The following RYR1 variants were observed in gnomAD, a reference collection of about 807,000 sequenced individuals.
RYR1 encodes the protein central core disease of muscle.
Under a neutral mutation model 583.5 loss-of-function variants are expected in RYR1, and 342 were observed. The ratio of observed to expected loss-of-function variants is 0.59; its 90% CI spans 0.54 to 0.64. The LOEUF (loss-of-function observed/expected upper bound fraction) is 0.64. RYR1 is among the 30% of genes least tolerant of loss of function. The pLI is 0.00. For missense variants in RYR1, 6,032 were observed against 6,917.2 expected (o/e 0.87, Z 4.54); for synonymous variants, 2,791 against 2,822.5 (o/e 0.99, Z 0.35).
chr19:38,460,345 CAAT>C, intron 19 of RYR1, 27 bp from the exon 20 acceptor site: 2 of 1,599,848 alleles, frequency 1.3e-6, no homozygotes, highest in Non-Finnish European at 1.7e-6. Flanking sequence ...AACCTCCCCT[CAAT>C]GATCCCCATT....
At chr19:38,544,673 G>A (rs915264376) in intron 87 of RYR1, among the ~76,000 whole-genome samples, 4 of 152,088 alleles carry the variant, frequency 2.6e-5, no homozygotes, top group Non-Finnish European at 1.5e-5. Context: ...ACCCTAATTC[G>A]TTGTCATCTG....
At chr19:38,455,391 T>C (rs1245249263) in intron 14 of RYR1, 21 bp downstream of exon 14, 2 of 1,614,048 alleles carry the variant, frequency 1.2e-6, no homozygotes, top group East Asian at 2.2e-5. Context: ...CAGTCCTGAC[T>C]CCCCTGAGAA....
intron 29 of RYR1, among the ~76,000 whole-genome samples, chr19:38,477,422 C>T (rs765431149): frequency 5.9e-5 from 9 of 152,140 alleles, no homozygotes; most frequent in East Asian, 5.8e-4. Context: ...GGATTACAGG[C>T]GTGAGCCACC....
intron 89 of RYR1, among the ~76,000 whole-genome samples, chr19:38,557,222 T>C (rs1357113302): frequency 6.6e-6 from 1 of 151,518 alleles, no homozygotes; most frequent in African/African-American, 2.4e-5. Context: ...CCCAGCCTCT[T>C]AGTTTTCATG....
At position 38,565,317 on chromosome 19, in the gene RYR1, C is replaced by G. The variant is rs1346484503; in HGVS notation, c.12983C>G (p.Ala4328Gly). 1 of 1,153,768 alleles carries G rather than the reference C, an allele frequency of 8.7e-7. No individual in the cohort carries two copies. Among genetic ancestry groups the G allele is most frequent in the Admixed American group, 4.8e-5 (1 of 20,850 alleles). 71.5% of individuals were successfully genotyped at this position (1,153,768 alleles called of 1,614,324 possible). A position where few individuals can be genotyped will look rare whatever the true frequency, so the allele number is the denominator to read the frequency against. The change falls in exon 91 of 106, where the codon GCG becomes GGG. Residue 4328 changes from alanine to glycine, a missense_variant. Physicochemically the swap from Ala to Gly is moderately conservative, Grantham distance 60 (BLOSUM62 0). Around this residue, in one of 11 missense-constraint regions of RYR1, gnomAD observed 753 missense variants for 759.6 expected, o/e 0.99. Transcript: ENST00000359596. This position sits in a 1 kb window ranked among gnomAD's most constrained non-coding sequence, Gnocchi z 4.7. The stretch of plus-strand genomic sequence containing the variant: ...CTGCGGCGGCTTACGGCCCGCGAGG[C>G]GGCCACCGCAGTGGCGGCGCTGCTC... ...RRLRRLTARE[A>G]ATAVAALLWA...
Position 38,494,565 on chromosome 19 carries a change from G to C in RYR1, c.6488G>C (p.Arg2163Pro), listed in dbSNP as rs118192163. The C allele has an allele frequency of 6.2e-7, 1 of 1,614,076 alleles. No individual in the cohort carries two copies. Among genetic ancestry groups the C allele is most frequent in the Non-Finnish European group, 8.5e-7 (1 of 1,180,024 alleles). ...CTGCTCGAGTGCCTCGGCCAGATCC[G>C]CTCGCTGCTCATCGTGCAGATGGGC... ...MSLLECLGQI[R>P]SLLIVQMGPQ... is the part of the protein sequence containing the mutation. Residue 2163 changes from arginine to proline, a missense_variant, in exon 39 of 106, where the codon CGC (arginine) becomes CCC (proline). Arg to Pro is a moderately radical substitution (Grantham distance 103). Around this residue, in one of 11 missense-constraint regions of RYR1, gnomAD observed 2,627 missense variants for 2,961.3 expected, o/e 0.89. Coordinates refer to ENST00000359596, the MANE Select transcript of RYR1 (RefSeq NM_000540.3).
At chr19:38,502,822 C>CAGGGGCAGGGGCAGGGGCAGGGGG (rs1970243836) in intron 48 of RYR1, 58 bp from the exon 49 acceptor site, 2 of 1,475,236 alleles carry the variant, frequency 1.4e-6, no homozygotes, top group Non-Finnish European at 1.8e-6. Flanking sequence ...GGAGCAGGGG[C>CAGGGGCAGGGGCAGGGGCAGGGGG]AGGGGCAGCA....
rs1490859401 is a variant in RYR1, at chr19:38,502,889, C to T, written c.7845C>T (p.Arg2615=). ...GTGCATTGTCCCGCAGGTACATCCG[C>T]CCGTCGATGCTGCAGCACCTGTTGC... ...DCLMSLCRYI[R]PSMLQHLLRR... is the part of the protein sequence containing the mutation. Residue 2615 remains arginine (R), a synonymous_variant, in exon 49 of 106, where the codon CGC becomes CGT. Transcript: ENST00000359596. 2 of 1,611,200 alleles carry T rather than the reference C, an allele frequency of 1.2e-6. No individual in the cohort carries two copies. The highest frequency in any genetic ancestry group is 2.2e-5 in the East Asian group (1 of 44,854).
chr19:38,505,392 A>G lies in RYR1; in HGVS notation c.8394A>G (p.Ser2798=). ...HPMLRPYKTF[S]EKDKEIYRWP... is the part of the protein sequence containing the mutation. ...TGCTGAGGCCCTACAAGACCTTTTC[A>G]GAGAAGGTGACCAGGCCTTGGGGCC... The change falls in exon 53 of 106, where the codon TCA becomes TCG. Residue 2798 remains serine (S), a synonymous_variant. Transcript: ENST00000359596. 1 of 1,607,044 alleles carries G rather than the reference A, an allele frequency of 6.2e-7. No homozygotes were observed. The highest frequency in any genetic ancestry group is 8.5e-7 in the Non-Finnish European group (1 of 1,175,702).
chr19:38,493,133 G>C (rs531882546), intron 38 of RYR1, among the ~76,000 whole-genome samples: 1 of 152,040 alleles, frequency 6.6e-6, no homozygotes, highest in Admixed American at 6.6e-5. Context: ...GCTGTAGAAC[G>C]TGTGTGTTGG....
intron 11 of RYR1, among the ~76,000 whole-genome samples, chr19:38,449,457 G>C (rs147987017): frequency 6.6e-6 from 1 of 152,278 alleles, no homozygotes; most frequent in East Asian, 1.9e-4. Context: ...GTGAAACTCC[G>C]TCTCAGAAAA....
chr19:38,561,485 C>T lies in RYR1; in HGVS notation c.12624+31C>T, dbSNP rs1973140133. ...GGAACCCGCGCGCGTGCAAGCTCGCCTCCTGGGGCTTCGGGCATGCGGGTG... is the reference window on the plus strand; with the variant it reads ...GGAACCCGCGCGCGTGCAAGCTCGCTTCCTGGGGCTTCGGGCATGCGGGTG... On this transcript the variant is annotated intron_variant, in intron 90 of 105. Coordinates refer to ENST00000359596, the MANE Select transcript of RYR1 (RefSeq NM_000540.3). The surrounding 1 kb of genome is among the most constrained non-coding windows in gnomAD (Gnocchi z 4.8). The T allele has an allele frequency of 6.3e-7, 1 of 1,586,148 alleles. No individual in the cohort carries two copies. The highest frequency in any genetic ancestry group is 1.3e-5 in the African/African-American group (1 of 74,790).
intron 60 of RYR1, 118 bp from the exon 61 acceptor site, chr19:38,511,443 G>A: frequency 4.7e-6 from 5 of 1,057,512 alleles, no homozygotes; most frequent in Non-Finnish European, 7.3e-6. Context: ...CCCCCTCCTG[G>A]TTCCTCTCTC....
At chr19:38,456,082 C>T (rs1217151128) in intron 16 of RYR1, among the ~76,000 whole-genome samples, 1 of 148,998 alleles carries the variant, frequency 6.7e-6, no homozygotes, top group Non-Finnish European at 1.5e-5. Context: ...AGCGATTCTC[C>T]TGCCTCGGCC....
Position 38,527,993 on chromosome 19 carries a change from G to T in RYR1, c.10824+209G>T. On this transcript the variant is annotated intron_variant, in intron 73 of 105. Coordinates refer to ENST00000359596, the MANE Select transcript of RYR1 (RefSeq NM_000540.3). ...TGCATCTGGGGGCGGGACAGGGAAG[G>T]GGCAGATCTTTAGGTCTAGGGGTGG... 6.3e-6 allele frequency: 4 copies of T among 634,364 alleles called. No homozygotes were observed. In the South Asian group the frequency reaches 7.7e-5, roughly 12 times the overall value. The allele number at this position is 634,364 out of a possible 1,614,324, so 39.3% of individuals were successfully genotyped here.
chr19:38,483,654 G>A lies in RYR1; in HGVS notation c.4934+138G>A. ...AGGAATCTCCAGACCTACCTCAGGG[G>A]ACTCGGGCTCAGCTCAGACATCCCC... On this transcript the variant is annotated intron_variant, in intron 33 of 105. Coordinates refer to ENST00000359596, the MANE Select transcript of RYR1 (RefSeq NM_000540.3). The surrounding 1 kb of genome is among the most constrained non-coding windows in gnomAD (Gnocchi z 6.3). 3 of 758,434 alleles carry A rather than the reference G, an allele frequency of 4.0e-6. No homozygotes were observed. The highest frequency in any genetic ancestry group is 6.5e-6 in the Non-Finnish European group (3 of 460,488). The allele number at this position is 758,434 out of a possible 1,614,324, so 47.0% of individuals were successfully genotyped here.
At chr19:38,546,297 C>T (rs994520976) in intron 87 of RYR1, 148 bp from the exon 88 acceptor site, 13 of 708,646 alleles carry the variant, frequency 1.8e-5, no homozygotes, top group African/African-American at 7.0e-5. Flanking sequence ...CCCCTGCTTC[C>T]GAGGAACATG....
At chr19:38,523,443 T>C in intron 69 of RYR1, 134 bp downstream of exon 69, 1 of 935,812 alleles carries the variant, frequency 1.1e-6, no homozygotes, top group Non-Finnish European at 1.7e-6. Flanking sequence ...CAGCCCCTCT[T>C]ACCTCCTCTC....
Position 38,577,050 on chromosome 19 carries a change from T to C in RYR1, c.14173-868T>C, listed in dbSNP as rs555345395. ...ACAGGCACCCACCACCACGTCTGGC[T>C]AATTTTTGTATTTTTAGTAGAGACG... On this transcript the variant is annotated intron_variant, in intron 97 of 105. Coordinates refer to ENST00000359596, the MANE Select transcript of RYR1 (RefSeq NM_000540.3). 2.6e-5 allele frequency among the ~76,000 whole-genome samples: 4 copies of C among 152,076 alleles called. No homozygotes were observed. The East Asian group carries it at 7.9e-4, about 30-fold the overall frequency.
Sources: allele counts gnomAD v4.1 joint callset (sites outside exome capture counted in the v4.1 genomes callset), GRCh38; gene constraint gnomAD v4.1.1; regional missense constraint gnomAD v4.1.1; non-coding constraint Gnocchi (gnomAD v3.1); transcripts MANE v1.5; gene names NCBI Gene and HGNC (gene_info 2026-07-23, HGNC 2026-07-21).